The following CCDC144A variants were observed in gnomAD, a reference collection of about 807,000 sequenced individuals.
CCDC144A encodes the protein coiled-coil domain containing 144A.
In CCDC144A, 41 loss-of-function variants were observed where a neutral mutation model predicts 143.8. That is an observed-to-expected ratio of 0.29 (90% CI 0.22 to 0.37). The LOEUF is 0.37. CCDC144A is among the 10% of genes least tolerant of loss of function. The probability of loss-of-function intolerance (pLI) is 1.00; values close to 1 mark genes in which losing one functional copy is unlikely to be tolerated. For missense variants in CCDC144A, 637 were observed against 1,488.8 expected (o/e 0.43, Z 9.41); for synonymous variants, 242 against 517.9 (o/e 0.47, Z 7.23).
In CCDC144A at chr17:16,690,421, A is replaced by G. The variant is rs1279768140; in HGVS notation, c.21A>G (p.Glu7=). Residue 7 remains glutamate, a synonymous_variant, in exon 1 of 17, where the codon GAA becomes GAG. Coordinates refer to ENST00000399273, the MANE Select transcript of CCDC144A (RefSeq NM_001382000.1). MASWGG[E]KRGGAEGSPK... The stretch of plus-strand genomic sequence containing the variant: ...TACTGATGGCCTCCTGGGGTGGAGA[A>G]AAGCGGGGAGGGGCTGAGGGGTCTC... The G allele has an allele frequency of 1.4e-5, 22 of 1,581,106 alleles. No individual in the cohort carries two copies. Among genetic ancestry groups the G allele is most frequent in the Non-Finnish European group, 1.8e-5 (21 of 1,162,018 alleles).
chr17:16,755,358 A>G lies in CCDC144A; in HGVS notation c.3373-6067A>G, dbSNP rs2694241. 7.2e-5 allele frequency among the ~76,000 whole-genome samples: 11 copies of G among 152,312 alleles called. No homozygotes were observed. In the East Asian group the frequency reaches 7.7e-4, roughly 11 times the overall value. On this transcript the variant is annotated intron_variant, in intron 12 of 16. Coordinates refer to ENST00000399273, the MANE Select transcript of CCDC144A (RefSeq NM_001382000.1). Reference sequence around the variant, plus strand: ...CTACAATTTGCTGGTTTTCTGTAGTAATAATGTTTGATTCCTTTCTCTTTT... The same window carrying G: ...CTACAATTTGCTGGTTTTCTGTAGTGATAATGTTTGATTCCTTTCTCTTTT...
chr17:16,711,774 A>G lies in CCDC144A; in HGVS notation c.1674A>G (p.Leu558=), dbSNP rs990417703. 8.2e-6 allele frequency: 13 copies of G among 1,592,864 alleles called. No individual in the cohort carries two copies. The highest frequency in any genetic ancestry group is 2.3e-4 in the Middle Eastern group (1 of 4,428). The part of the protein sequence containing the change: ...GTTVGNDDDG[L]NQQIPRKENG... Reference sequence around the variant, plus strand: ...CTGTTGGCAATGATGATGATGGACTAAATCAGCAGATTCCTAGGAAGGAAA... The same window carrying G: ...CTGTTGGCAATGATGATGATGGACTGAATCAGCAGATTCCTAGGAAGGAAA... The change falls in exon 6 of 17, where the codon CTA becomes CTG. Residue 558 remains leucine (L), a synonymous_variant. Coordinates refer to ENST00000399273, the MANE Select transcript of CCDC144A (RefSeq NM_001382000.1).
chr17:16,758,035 C>T (rs1915180216), intron 12 of CCDC144A, among the ~76,000 whole-genome samples: 1 of 152,200 alleles, frequency 6.6e-6, no homozygotes, highest in Admixed American at 6.5e-5. Context: ...TGGTTACCTA[C>T]TTGCTGTTTT....
At chr17:16,677,828 T>C in the CCDC144A span, among the ~76,000 whole-genome samples, 1 of 147,968 alleles carries the variant, frequency 6.8e-6, no homozygotes, top group Non-Finnish European at 1.5e-5. Context: ...AAAAAAAAAA[T>C]GAAAGCAGGA....
chr17:16,725,547 T>G (rs2143205902), intron 8 of CCDC144A, among the ~76,000 whole-genome samples: 1 of 152,014 alleles, frequency 6.6e-6, no homozygotes, highest in East Asian at 1.9e-4. Context: ...ACATTGTATG[T>G]TCTCACTTGT....
At chr17:16,688,917 G>T (rs1445092446), upstream of CCDC144A, among the ~76,000 whole-genome samples, 1 of 152,140 alleles carries the variant, frequency 6.6e-6, no homozygotes, top group African/African-American at 2.4e-5. Flanking sequence ...ATTTGAGACT[G>T]AGCTCCCATC....
chr17:16,674,395 A>AT, the CCDC144A span, among the ~76,000 whole-genome samples: 16 of 152,154 alleles, frequency 1.1e-4, no homozygotes, highest in African/African-American at 3.6e-4. Flanking sequence ...TAAATATTTA[A>AT]TTTTTCACTT....
chr17:16,696,591 A>G (rs574022397), intron 2 of CCDC144A, among the ~76,000 whole-genome samples: 7 of 149,220 alleles, frequency 4.7e-5, no homozygotes, highest in African/African-American at 1.5e-4. Context: ...CCAAGATCGC[A>G]CCACTGCACT....
intron 16 of CCDC144A, among the ~76,000 whole-genome samples, chr17:16,772,334 T>C (rs548435734): frequency 6.6e-6 from 1 of 152,284 alleles, no homozygotes; most frequent in Admixed American, 6.5e-5. Context: ...ATCATCAACT[T>C]CTCAGGGTTA....
In CCDC144A at chr17:16,774,804, T is replaced by C. The variant is rs569098489; in HGVS notation, c.*1171T>C. On this transcript the variant is annotated 3_prime_UTR_variant, in exon 17 of 17. Transcript: ENST00000399273. ...TTGCTGCACAGATCATCCCATCACC[T>C]AGGTATTAATAATAGCCCAGCATCC... 7.4e-5 allele frequency: 11 copies of C among 148,460 alleles called. No homozygotes were observed. In the East Asian group the frequency reaches 2.2e-3, roughly 29 times the overall value. The allele number at this position is 148,460 out of a possible 1,614,324, so 9.2% of individuals were successfully genotyped here. A position where few individuals can be genotyped will look rare whatever the true frequency, so the allele number is the denominator to read the frequency against.
intron 12 of CCDC144A, among the ~76,000 whole-genome samples, chr17:16,744,956 C>A (rs1443598987): frequency 1.3e-5 from 2 of 152,006 alleles, no homozygotes; most frequent in Non-Finnish European, 1.5e-5. Flanking sequence ...GTTATTTGGG[C>A]AAATTCTTAA....
At chr17:16,678,585 C>CTTTT in the CCDC144A span, among the ~76,000 whole-genome samples, 2 of 136,866 alleles carry the variant, frequency 1.5e-5, no homozygotes, top group East Asian at 2.1e-4. Flanking sequence ...TTTTTCTTTT[C>CTTTT]TTTTTTTTTT....
At chr17:16,704,760 G>A (rs1037797709) in intron 2 of CCDC144A, among the ~76,000 whole-genome samples, 2 of 152,054 alleles carry the variant, frequency 1.3e-5, no homozygotes, top group African/African-American at 4.8e-5. Flanking sequence ...ATGAGTTTTT[G>A]TAAATCCTGT....
Position 16,699,406 on chromosome 17 carries a change from C to G in CCDC144A, c.416-5745C>G, listed in dbSNP as rs532583172. Among the ~76,000 whole-genome samples, 784 of 147,252 alleles carry G rather than the reference C, an allele frequency of 5.3e-3. 2 individuals carry two copies. Among genetic ancestry groups the G allele is most frequent in the African/African-American group, 0.012 (474 of 39,060 alleles). On this transcript the variant is annotated intron_variant, in intron 2 of 16. Transcript: ENST00000399273. ...TGTTGTTGTTGTTGAGACGGAGTCTCGCTCTTCCACCCAGGCGGGACTGCA... is the reference window on the plus strand; with the variant it reads ...TGTTGTTGTTGTTGAGACGGAGTCTGGCTCTTCCACCCAGGCGGGACTGCA...
Position 16,708,924 on chromosome 17 carries a change from C to A in CCDC144A, c.867C>A (p.Asn289Lys), listed in dbSNP as rs9904955. ...AACAAGGCAAATTAGAGTGGAAAAA[C>A]CAATTAAAACTCGTCATAAATGAGT... ...WIEQGKLEWK[N>K]QLKLVINELK... Residue 289 changes from asparagine to lysine, a missense_variant, in exon 5 of 17, where the codon AAC becomes AAA. Transcript: ENST00000399273. 4,242 of 1,611,472 alleles carry A rather than the reference C, an allele frequency of 2.6e-3. 83 individuals are homozygous for A. In the African/African-American group the frequency reaches 0.045, roughly 17 times the overall value.
At chr17:16,704,782 A>ACAT in intron 2 of CCDC144A, among the ~76,000 whole-genome samples, 1 of 152,324 alleles carries the variant, frequency 6.6e-6, no homozygotes, top group African/African-American at 2.4e-5. Context: ...TCTCTACAAT[A>ACAT]CATACATACA....
At chr17:16,737,627 A>G (rs1469373205) in intron 12 of CCDC144A, 5 of 1,291,526 alleles carry the variant, frequency 3.9e-6, no homozygotes, top group Non-Finnish European at 5.1e-6. Flanking sequence ...ACATTAATTT[A>G]GATGAGACAC....
At chr17:16,745,930 G>A in intron 12 of CCDC144A, 2 of 1,603,650 alleles carry the variant, frequency 1.2e-6, no homozygotes, top group Non-Finnish European at 1.7e-6. Context: ...CTTCTGGAAA[G>A]CCGGTCAGGC....
In CCDC144A at chr17:16,707,082, T is replaced by C. The variant is rs1387114157; in HGVS notation, c.665-387T>C. 3 of 162,676 alleles carry C rather than the reference T, an allele frequency of 1.8e-5. No homozygotes were observed. The Admixed American group carries it at 1.9e-4, about 10-fold the overall frequency. 10.1% of individuals were successfully genotyped at this position (162,676 alleles called of 1,614,324 possible). On this transcript the variant is annotated intron_variant, in intron 3 of 16. Transcript: ENST00000399273. ...ACCAATAAAGGTGTCCACAGTCATT[T>C]TGGAAATCATTAATAAGGTACTATT...
Sources: gnomAD v4.1 joint callset for allele counts (sites outside exome capture counted in the v4.1 genomes callset) on GRCh38, gnomAD v4.1.1 for gene constraint, MANE v1.5 for transcripts, NCBI Gene and HGNC (gene_info 2026-07-23, HGNC 2026-07-21) for gene names.